Variants in CNOT4 observed in about 807,000 individuals in gnomAD.
The protein encoded by CNOT4 is CCR4-associated factor 4.
In CNOT4, 8 loss-of-function variants were observed where a neutral mutation model predicts 73.8. The observed-to-expected ratio is 0.11, with a 90% CI of 0.06 to 0.20. The LOEUF (loss-of-function observed/expected upper bound fraction) is 0.20. Among genes scored for constraint, CNOT4 ranks in the 10% least tolerant of loss-of-function variants. CNOT4 has a pLI of 1.00. For missense variants in CNOT4, 564 were observed against 883.4 expected, an observed-to-expected ratio of 0.64 and a Z score of 4.58; for synonymous variants, 293 against 321.1, an observed-to-expected ratio of 0.91 and a Z score of 0.94.
intron 10 of CNOT4, chr7:135,388,177 TAAC>T (rs1374875300): frequency 1.0e-6 from 1 of 985,142 alleles, no homozygotes; most frequent in Non-Finnish European, 1.2e-6. Flanking sequence ...TATGCATAAT[TAAC>T]AACCATTCAA....
chr7:135,491,423 T>C (rs1803102660), intron 1 of CNOT4, among the ~76,000 whole-genome samples: 1 of 152,160 alleles, frequency 6.6e-6, no homozygotes, highest in African/African-American at 2.4e-5. Context: ...GAAAACCAAG[T>C]AAATGTAGTA....
rs7791095 is a variant in CNOT4 at position 135,464,274 on chromosome 7, G to A, written c.-92-25851C>T. Reference sequence around the variant, plus strand: ...CAGTGCTATTCACAACAGCAAACACGTGGAATCAACCTAAATGCCCATCAA... The same window carrying A: ...CAGTGCTATTCACAACAGCAAACACATGGAATCAACCTAAATGCCCATCAA... On this transcript the variant is annotated intron_variant, in intron 1 of 11. Transcript: ENST00000541284. 9.9e-4 allele frequency among the ~76,000 whole-genome samples: 151 copies of A among 152,158 alleles called. 1 individual carries two copies. Among genetic ancestry groups the A allele is most frequent in the African/African-American group, 3.4e-3 (140 of 41,524 alleles).
intron 10 of CNOT4, among the ~76,000 whole-genome samples, chr7:135,368,369 A>G (rs1795022140): frequency 6.6e-6 from 1 of 152,194 alleles, no homozygotes; most frequent in East Asian, 1.9e-4. Flanking sequence ...ACCAAGCTAA[A>G]AATCAAAGCA....
intron 2 of CNOT4, among the ~76,000 whole-genome samples, chr7:135,434,309 G>T (rs769387654): frequency 2.4e-4 from 36 of 152,298 alleles, no homozygotes; most frequent in Non-Finnish European, 4.4e-4. Context: ...TTTATCTTGC[G>T]CTGCGCTGAG....
At chr7:135,387,043 C>T (rs1026048672) in intron 10 of CNOT4, 2 of 979,356 alleles carry the variant, frequency 2.0e-6, no homozygotes, top group African/African-American at 3.5e-5. Context: ...AATAACAAGG[C>T]CCAGGAGCCT....
Position 135,361,940 on chromosome 7 carries a change from T to C in CNOT4, c.*945A>G, listed in dbSNP as rs1445734128. On this transcript the variant is annotated 3_prime_UTR_variant, in exon 12 of 12. Coordinates refer to ENST00000541284, the MANE Select transcript of CNOT4 (RefSeq NM_001190850.2). ...CTGTCTTTTCAATACTGCACAAACG[T>C]CCAGAAACTACAGGGTTAAGTAAAA... 6.6e-6 allele frequency: 1 copy of C among 152,618 alleles called. No homozygotes were observed. Among genetic ancestry groups the C allele is most frequent in the Non-Finnish European group, 1.5e-5 (1 of 68,038 alleles). The allele number at this position is 152,618 out of a possible 1,614,324, so 9.5% of individuals were successfully genotyped here.
chr7:135,504,416 C>G (rs1804200721), intron 1 of CNOT4, among the ~76,000 whole-genome samples: 1 of 149,064 alleles, frequency 6.7e-6, no homozygotes, highest in African/African-American at 2.5e-5. Context: ...CTGCCTCAGC[C>G]TCCCGAGTAG....
chr7:135,386,994 A>C (rs901646089), intron 10 of CNOT4: 5 of 692,018 alleles, frequency 7.2e-6, no homozygotes, highest in Non-Finnish European at 8.9e-6. Flanking sequence ...GAAGGCTTTG[A>C]GCTAGTAAGC....
chr7:135,391,058 GAACAGGTGCAAGTGAGTTAC>G (rs989925293), intron 10 of CNOT4, among the ~76,000 whole-genome samples: 6 of 152,034 alleles, frequency 3.9e-5, no homozygotes, highest in Admixed American at 6.6e-5. Context: ...AAGTGAGTTA[GAACAGGTGCAAGTGAGTTAC>G]AACAGGTGCA....
At chr7:135,399,951 G>C (rs1433726350) in intron 7 of CNOT4, among the ~76,000 whole-genome samples, 1 of 152,096 alleles carries the variant, frequency 6.6e-6, no homozygotes, top group Non-Finnish European at 1.5e-5. Context: ...ACATCAGCCA[G>C]TGCTTGCTAT....
intron 1 of CNOT4, among the ~76,000 whole-genome samples, chr7:135,454,458 A>G (rs1463809140): frequency 6.6e-6 from 1 of 151,940 alleles, no homozygotes; most frequent in East Asian, 1.9e-4. Flanking sequence ...GTTAAAGACC[A>G]GCCTGGGCAA....
At chr7:135,505,517 A>G (rs367558355) in intron 1 of CNOT4, among the ~76,000 whole-genome samples, 1 of 152,062 alleles carries the variant, frequency 6.6e-6, no homozygotes, top group African/African-American at 2.4e-5. Context: ...GTGCAGCTAC[A>G]CTCCAGCCTG....
At chr7:135,383,574 A>G (rs1795959228) in intron 10 of CNOT4, among the ~76,000 whole-genome samples, 1 of 152,216 alleles carries the variant, frequency 6.6e-6, no homozygotes, top group South Asian at 2.1e-4. Flanking sequence ...CATGCTTTCT[A>G]CAATTCTCTC....
intron 10 of CNOT4, among the ~76,000 whole-genome samples, chr7:135,381,677 C>A (rs1225072393): frequency 6.6e-6 from 1 of 152,142 alleles, no homozygotes; most frequent in African/African-American, 2.4e-5. Flanking sequence ...ATTCTTACAG[C>A]AGAGTAGGTT....
intron 1 of CNOT4, among the ~76,000 whole-genome samples, chr7:135,500,338 A>G (rs1803876815): frequency 6.6e-6 from 1 of 152,092 alleles, no homozygotes. Context: ...GAAACAAGAA[A>G]CCTACTTTTT....
At chr7:135,425,353 T>C (rs1798434280) in intron 2 of CNOT4, among the ~76,000 whole-genome samples, 1 of 152,086 alleles carries the variant, frequency 6.6e-6, no homozygotes, top group Non-Finnish European at 1.5e-5. Flanking sequence ...TATTTGAAAA[T>C]ACATGAACAC....
At chr7:135,499,635 T>C (rs1171737730) in intron 1 of CNOT4, among the ~76,000 whole-genome samples, 1 of 148,852 alleles carries the variant, frequency 6.7e-6, no homozygotes, top group African/African-American at 2.5e-5. Context: ...AGTCATCCCA[T>C]ACTCCAAGGG....
intron 7 of CNOT4, among the ~76,000 whole-genome samples, chr7:135,407,207 A>G (rs1369963819): frequency 6.6e-6 from 1 of 152,194 alleles, no homozygotes; most frequent in African/African-American, 2.4e-5. Context: ...CCATGCTTGT[A>G]CAGCCTGCAG....
chr7:135,387,277 C>T, intron 10 of CNOT4: 1 of 985,122 alleles, frequency 1.0e-6, no homozygotes, highest in Non-Finnish European at 1.2e-6. Flanking sequence ...ACAAAAATAA[C>T]TTAAATGGCT....
Sources: allele counts gnomAD v4.1 joint callset (sites outside exome capture counted in the v4.1 genomes callset), GRCh38; gene constraint gnomAD v4.1.1; transcripts MANE v1.5; gene names NCBI Gene and HGNC (gene_info 2026-07-23, HGNC 2026-07-21).